ASPSCR1: variants seen among roughly 807,000 people sequenced by gnomAD.
ASPSCR1 encodes ASPSCR1 tether for SLC2A4, UBX domain containing, also known as tether containing UBX domain for GLUT4.
A neutral mutation model predicts 68.9 loss-of-function variants in ASPSCR1; 55 were observed. That is an observed-to-expected ratio of 0.80 (90% confidence interval 0.64 to 1.00). The LOEUF (loss-of-function observed/expected upper bound fraction) is 1.00. Among genes scored for constraint, ASPSCR1 ranks in the 50% least tolerant of loss-of-function variants. The pLI, the probability that ASPSCR1 is intolerant of heterozygous loss-of-function variation, is 0.00. For missense variants in ASPSCR1, 765 were observed against 762.2 expected (o/e 1.00, Z -0.04); for synonymous variants, 352 against 332.6 (o/e 1.06, Z -0.63).
intron 7 of ASPSCR1, among the ~76,000 whole-genome samples, chr17:82,002,993 G>T (rs572914264): frequency 1.1e-4 from 16 of 152,206 alleles, no homozygotes; most frequent in African/African-American, 3.4e-4. Flanking sequence ...TCGTGTCTCA[G>T]CCTCCTGAAT....
At chr17:82,016,066 A>C in intron 12 of ASPSCR1, 5 of 189,640 alleles carry the variant, frequency 2.6e-5, no homozygotes, top group Admixed American at 5.4e-5. Flanking sequence ...GGGAGGGGGA[A>C]TCTGGAGCTG....
chr17:82,015,529 T>C lies in ASPSCR1; in HGVS notation c.1354-947T>C, dbSNP rs575305414. 4.7e-5 allele frequency: 40 copies of C among 849,962 alleles called. No homozygotes were observed. The South Asian group carries it at 7.2e-4, about 15-fold the overall frequency. The allele number at this position is 849,962 out of a possible 1,614,324, so 52.7% of individuals were successfully genotyped here. ...TGGGGGTCCTGGCCTGTGGGGGCTA[T>C]GATGAGAACCAGGTGCCTCTCTGCA... On this transcript the variant is annotated intron_variant, in intron 12 of 15. Coordinates refer to ENST00000306739, the MANE Select transcript of ASPSCR1 (RefSeq NM_024083.4).
chr17:81,984,098 G>A (rs1026826440), intron 3 of ASPSCR1, among the ~76,000 whole-genome samples: 3 of 151,958 alleles, frequency 2.0e-5, no homozygotes, highest in Non-Finnish European at 4.4e-5. Flanking sequence ...TGATCTACCC[G>A]CCTCGGCCTC....
chr17:82,003,999 C>G (rs141208381), intron 7 of ASPSCR1, among the ~76,000 whole-genome samples: 1 of 152,196 alleles, frequency 6.6e-6, no homozygotes. Context: ...GGAGGGAGGC[C>G]GGGAGGGAAA....
rs760513440 is a variant in ASPSCR1, at chr17:81,994,672, T to TGGCCTG, written c.375-134_375-129dup. 47 of 774,652 alleles carry TGGCCTG rather than the reference T, an allele frequency of 6.1e-5. No homozygotes were observed. The East Asian group carries it at 6.3e-4, about 10-fold the overall frequency. 48.0% of individuals were successfully genotyped at this position (774,652 alleles called of 1,614,324 possible). A position where few individuals can be genotyped will look rare whatever the true frequency, so the allele number is the denominator to read the frequency against. On this transcript the variant is annotated intron_variant, in intron 4 of 15. Transcript: ENST00000306739. Reference sequence around the variant, plus strand: ...TGGGGCGCAGTGGGGCTGAGGTCTGTGGCCTGGGCCTGGGCCTGGGACGCT... The same window carrying TGGCCTG: ...TGGGGCGCAGTGGGGCTGAGGTCTGTGGCCTGGGCCTGGGCCTGGGCCTGGGACGCT...
chr17:81,982,141 G>A (rs190734493), intron 2 of ASPSCR1, among the ~76,000 whole-genome samples: 239 of 151,902 alleles, frequency 1.6e-3, no homozygotes, highest in Middle Eastern at 3.4e-3. Flanking sequence ...GCTAATTTTT[G>A]TATTTTTAGT....
intron 2 of ASPSCR1, among the ~76,000 whole-genome samples, chr17:81,981,390 A>C (rs1325642091): frequency 6.6e-6 from 1 of 151,866 alleles, no homozygotes; most frequent in African/African-American, 2.4e-5. Context: ...TTATTTTATT[A>C]TTTTTTGAGG....
chr17:82,015,127 G>A (rs541760369), intron 12 of ASPSCR1: 60 of 1,598,158 alleles, frequency 3.8e-5, no homozygotes, highest in Admixed American at 1.2e-4. Context: ...TCGCTGAAAC[G>A]GTGCCTGGGA....
At position 82,002,977 on chromosome 17, in the gene ASPSCR1, C is replaced by T. The variant is rs145874774; in HGVS notation, c.934-6060C>T. On this transcript the variant is annotated intron_variant, in intron 7 of 15. Transcript: ENST00000306739. ...GCAACCTCCACCTCCTGGGTTCAAG[C>T]GATTTTCGTGTCTCAGCCTCCTGAA... Among the ~76,000 whole-genome samples the T allele has an allele frequency of 2.0e-3, 310 of 152,038 alleles. 3 individuals carry two copies. The highest frequency in any genetic ancestry group is 3.5e-3 in the Non-Finnish European group (238 of 67,986).
chr17:81,997,651 G>A (rs1352131043), intron 7 of ASPSCR1, among the ~76,000 whole-genome samples: 1 of 150,200 alleles, frequency 6.7e-6, no homozygotes, highest in Admixed American at 6.6e-5. Flanking sequence ...ACCAAGCCCA[G>A]CTAATTTTTT....
intron 2 of ASPSCR1, 152 bp downstream of exon 2, chr17:81,979,391 A>G (rs2041722307): frequency 1.2e-6 from 1 of 806,560 alleles, no homozygotes; most frequent in South Asian, 1.6e-5. Flanking sequence ...TGGCAGGGCC[A>G]CACTCTCTCC....
In ASPSCR1 at chr17:81,996,008, C is replaced by A. The variant is rs776784908; in HGVS notation, c.449C>A (p.Ala150Asp). 144 of 1,610,134 alleles carry A rather than the reference C, an allele frequency of 8.9e-5. No homozygotes were observed. The highest frequency in any genetic ancestry group is 1.2e-4 in the Admixed American group (7 of 59,718). The change falls in exon 6 of 16, where the codon GCC (alanine) becomes GAC (aspartate). Residue 150 changes from alanine (A) to aspartate (D), a missense_variant. Ala to Asp is a moderately radical substitution (Grantham distance 126). Coordinates refer to ENST00000306739, the MANE Select transcript of ASPSCR1 (RefSeq NM_024083.4). ...CTCCTGCAGGTGACGGGTGAAGCTGCCCTGCGGGGCACGACGCTGCAGTCG... is the reference window on the plus strand; with the variant it reads ...CTCCTGCAGGTGACGGGTGAAGCTGACCTGCGGGGCACGACGCTGCAGTCG... ...YTRDEVTGEA[A>D]LRGTTLQSLG...
At chr17:82,003,833 C>T (rs953482990) in intron 7 of ASPSCR1, among the ~76,000 whole-genome samples, 8 of 152,384 alleles carry the variant, frequency 5.2e-5, no homozygotes, top group East Asian at 1.9e-4. Context: ...CGTGCTCCGC[C>T]GCCTGCCTCC....
At chr17:81,980,705 A>G (rs2041767858) in intron 2 of ASPSCR1, among the ~76,000 whole-genome samples, 1 of 152,234 alleles carries the variant, frequency 6.6e-6, no homozygotes, top group East Asian at 1.9e-4. Context: ...TTTACACCGA[A>G]TGGGGTGGCT....
chr17:82,016,642 G>C lies in ASPSCR1; in HGVS notation c.1405+115G>C, dbSNP rs564000787. The C allele has an allele frequency of 7.0e-5, 103 of 1,468,500 alleles. No homozygotes were observed. The South Asian group carries it at 1.2e-3, about 17-fold the overall frequency. The allele number at this position is 1,468,500 out of a possible 1,614,324, so 91.0% of individuals were successfully genotyped here. On this transcript the variant is annotated intron_variant, in intron 13 of 15. Coordinates refer to ENST00000306739, the MANE Select transcript of ASPSCR1 (RefSeq NM_024083.4). Reference sequence around the variant, plus strand: ...GGGCCTCCTTTGGGTCTGAGAGGGAGATCTGCGGCCCCCAGTAACCACCTC... The same window carrying C: ...GGGCCTCCTTTGGGTCTGAGAGGGACATCTGCGGCCCCCAGTAACCACCTC...
intron 9 of ASPSCR1, chr17:82,009,914 C>A (rs1043075775): frequency 4.4e-6 from 1 of 227,008 alleles, no homozygotes; most frequent in Non-Finnish European, 8.7e-6. Flanking sequence ...TAGAATGAAA[C>A]CTTTTTTTTT....
intron 7 of ASPSCR1, among the ~76,000 whole-genome samples, chr17:81,998,710 T>G (rs1351656129): frequency 6.6e-6 from 1 of 152,254 alleles, no homozygotes; most frequent in African/African-American, 2.4e-5. Flanking sequence ...AGACTTTTTT[T>G]CCTTGCTCTG....
intron 12 of ASPSCR1, chr17:82,015,688 G>C (rs568112684): frequency 2.8e-6 from 1 of 353,950 alleles, no homozygotes; most frequent in African/African-American, 2.1e-5. Flanking sequence ...GCCTGGGTGT[G>C]AATCTTGGAG....
intron 6 of ASPSCR1, 65 bp from the exon 7 acceptor site, chr17:81,996,334 GCGGGAGAGGGTGAGCCTGGGC>G (rs1226733770): frequency 3.1e-5 from 47 of 1,508,450 alleles, no homozygotes; most frequent in Admixed American, 2.2e-4. Flanking sequence ...TGAGCCGGGG[GCGGGAGAGGGTGAGCCTGGGC>G]CGGGAGAGGG....
Sources: gnomAD v4.1 joint callset for allele counts (sites outside exome capture counted in the v4.1 genomes callset) on GRCh38, gnomAD v4.1.1 for gene constraint, MANE v1.5 for transcripts, NCBI Gene and HGNC (gene_info 2026-07-23, HGNC 2026-07-21) for gene names.